LHCGR: variants seen among roughly 807,000 people sequenced by gnomAD.
The protein encoded by LHCGR is lutropin-choriogonadotropic hormone receptor.
In LHCGR, 55 loss-of-function variants were observed where a neutral mutation model predicts 60.7. That is an observed-to-expected ratio of 0.91 (90% CI 0.73 to 1.13). The LOEUF is 1.13. Among genes scored for constraint, LHCGR ranks in the 50% most tolerant of loss-of-function variants. The pLI, the probability that LHCGR is intolerant of heterozygous loss-of-function variation, is 0.00. For synonymous variants in LHCGR, 337 were observed against 316.5 expected, an observed-to-expected ratio of 1.06 and a Z score of -0.69; for missense variants, 862 against 836.0, an observed-to-expected ratio of 1.03 and a Z score of -0.38.
intron 8 of LHCGR, among the ~76,000 whole-genome samples, chr2:48,705,541 C>A (rs1446593407): frequency 6.6e-6 from 1 of 152,160 alleles, no homozygotes; most frequent in East Asian, 1.9e-4. Flanking sequence ...CTTCGTAGTT[C>A]TCTAAGAACT....
intron 8 of LHCGR, among the ~76,000 whole-genome samples, chr2:48,699,025 C>T (rs545231861): frequency 3.9e-5 from 6 of 152,098 alleles, no homozygotes; most frequent in East Asian, 1.9e-4. Flanking sequence ...GGGGTTTCAC[C>T]GTGTTAGCCA....
chr2:48,688,231 A>T lies in LHCGR; in HGVS notation c.1566T>A (p.Thr522=). The stretch of plus-strand genomic sequence containing the variant: ...TGGTTAATATATAGACTTGTGAGAG[A>T]GTGGTTTCCACATCCATGGGGAAGC... The part of the protein sequence containing the change: ...SICFPMDVET[T]LSQVYILTIL... Residue 522 remains threonine, a synonymous_variant, in exon 11 of 11, where the codon ACT becomes ACA. Coordinates refer to ENST00000294954, the MANE Select transcript of LHCGR (RefSeq NM_000233.4). The surrounding 1 kb of genome is among the most constrained non-coding windows in gnomAD (Gnocchi z 5.2). 6.2e-7 allele frequency: 1 copy of T among 1,614,178 alleles called. No individual in the cohort carries two copies. The highest frequency in any genetic ancestry group is 8.5e-7 in the Non-Finnish European group (1 of 1,180,034).
In LHCGR at chr2:48,687,951, A is replaced by C. The variant is rs1558796935; in HGVS notation, c.1846T>G (p.Ser616Ala). 6.2e-7 allele frequency: 1 copy of C among 1,614,172 alleles called. No individual in the cohort carries two copies. The highest frequency in any genetic ancestry group is 1.7e-5 in the Admixed American group (1 of 60,026). ...VLLVLFYPIN[S>A]CANPFLYAIF... ...GCATACAGAAATGGATTGGCACAAG[A>C]ATTGATGGGATAAAAAAGAACCAGT... Residue 616 changes from serine (S) to alanine (A), a missense_variant, in exon 11 of 11, where the codon TCT (serine) becomes GCT (alanine). Transcript: ENST00000294954.
At chr2:48,735,774 G>A (rs1379209098) in intron 1 of LHCGR, among the ~76,000 whole-genome samples, 11 of 152,078 alleles carry the variant, frequency 7.2e-5, no homozygotes. Flanking sequence ...GGTGGCTGAA[G>A]CTCTCAGCTG....
At chr2:48,733,962 T>C (rs1669111808) in intron 1 of LHCGR, among the ~76,000 whole-genome samples, 1 of 152,204 alleles carries the variant, frequency 6.6e-6, no homozygotes, top group East Asian at 1.9e-4. Flanking sequence ...TGCCAGAAAC[T>C]TTTAGCAATG....
chr2:48,710,925 C>G (rs564151716), intron 7 of LHCGR, among the ~76,000 whole-genome samples: 1 of 152,266 alleles, frequency 6.6e-6, no homozygotes, highest in Admixed American at 6.5e-5. Flanking sequence ...TAATGGGTGA[C>G]CTTGCCCTTA....
chr2:48,727,047 T>C (rs1233384136), intron 3 of LHCGR, among the ~76,000 whole-genome samples: 4 of 152,180 alleles, frequency 2.6e-5, no homozygotes, highest in Non-Finnish European at 5.9e-5. Context: ...TGATATTTTG[T>C]TGTAATTATT....
At chr2:48,751,479 CCTTGGAGA>C (rs1233037139) in intron 1 of LHCGR, among the ~76,000 whole-genome samples, 1 of 152,164 alleles carries the variant, frequency 6.6e-6, no homozygotes, top group Admixed American at 6.5e-5. Context: ...TGAAGCCTTC[CCTTGGAGA>C]CTTCAGTTCA....
At chr2:48,718,769 A>G (rs1439342936) in intron 6 of LHCGR, among the ~76,000 whole-genome samples, 2 of 152,288 alleles carry the variant, frequency 1.3e-5, no homozygotes, top group East Asian at 3.9e-4. Context: ...ATGTGCCGGC[A>G]GTGGTTAGAT....
Position 48,702,724 on chromosome 2 carries a change from C to T in LHCGR, c.681-3924G>A, listed in dbSNP as rs556708531. On this transcript the variant is annotated intron_variant, in intron 8 of 10. Transcript: ENST00000294954. ...TGTGAATAGTGCCGCAATAAACATA[C>T]GTGTGCATGTGTCTTTATAGCAGCA... Among the ~76,000 whole-genome samples the T allele has an allele frequency of 1.8e-4, 27 of 152,252 alleles. 1 individual carries two copies. The highest frequency in any genetic ancestry group is 1.4e-3 in the Admixed American group (22 of 15,292).
intron 1 of LHCGR, among the ~76,000 whole-genome samples, chr2:48,738,854 T>G (rs189556395): frequency 1.2e-3 from 186 of 152,370 alleles, no homozygotes; most frequent in African/African-American, 4.4e-3. Flanking sequence ...AATGTTTTAT[T>G]CAAGTTAATT....
intron 1 of LHCGR, among the ~76,000 whole-genome samples, chr2:48,748,298 A>T (rs1487695523): frequency 2.0e-5 from 3 of 152,134 alleles, no homozygotes; most frequent in Non-Finnish European, 4.4e-5. Flanking sequence ...GTGGCCAACA[A>T]GTCTCACCTG....
At chr2:48,704,246 A>T (rs1667552316) in intron 8 of LHCGR, among the ~76,000 whole-genome samples, 2 of 152,102 alleles carry the variant, frequency 1.3e-5, no homozygotes, top group South Asian at 2.1e-4. Flanking sequence ...AGCCGACTTG[A>T]TTGTGGTGGA....
At chr2:48,716,885 TG>T (rs992018788) in intron 6 of LHCGR, among the ~76,000 whole-genome samples, 1 of 152,234 alleles carries the variant, frequency 6.6e-6, no homozygotes, top group Non-Finnish European at 1.5e-5. Context: ...CACCTGGAGT[TG>T]CTTGTCAAAA....
intron 1 of LHCGR, among the ~76,000 whole-genome samples, chr2:48,745,013 A>G (rs1369161158): frequency 6.6e-6 from 1 of 152,168 alleles, no homozygotes; most frequent in East Asian, 1.9e-4. Flanking sequence ...AAAACAAACA[A>G]CCCCATCAAA....
Position 48,687,347 on chromosome 2 carries a change from C to A in LHCGR, c.*350G>T. 1 of 252,080 alleles carries A rather than the reference C, an allele frequency of 4.0e-6. No homozygotes were observed. Among genetic ancestry groups the A allele is most frequent in the Non-Finnish European group, 7.7e-6 (1 of 130,150 alleles). The allele number at this position is 252,080 out of a possible 1,614,324, so 15.6% of individuals were successfully genotyped here. ...TTTTAAATTTCTGATCTGTTATGAACTAATATTTTTATAGAATGCAATACA... is the reference window on the plus strand; with the variant it reads ...TTTTAAATTTCTGATCTGTTATGAAATAATATTTTTATAGAATGCAATACA... On this transcript the variant is annotated 3_prime_UTR_variant, in exon 11 of 11. Transcript: ENST00000294954.
chr2:48,749,266 T>C (rs1385456601), intron 1 of LHCGR, among the ~76,000 whole-genome samples: 2 of 152,174 alleles, frequency 1.3e-5, no homozygotes, highest in Non-Finnish European at 2.9e-5. Context: ...GAGGACCCTG[T>C]GGAGAAGCAG....
At chr2:48,728,672 A>G (rs574860273) in intron 3 of LHCGR, among the ~76,000 whole-genome samples, 5 of 152,310 alleles carry the variant, frequency 3.3e-5, no homozygotes, top group Admixed American at 2.6e-4. Context: ...AGTTAATTCC[A>G]AAACATCACA....
intron 8 of LHCGR, among the ~76,000 whole-genome samples, chr2:48,705,428 C>T (rs1271586856): frequency 6.6e-6 from 1 of 152,182 alleles, no homozygotes; most frequent in Non-Finnish European, 1.5e-5. Flanking sequence ...TAGCTGAGTT[C>T]AAGTCCTGGA....
Sources: gnomAD v4.1 joint callset for allele counts (sites outside exome capture counted in the v4.1 genomes callset) on GRCh38, gnomAD v4.1.1 for gene constraint, Gnocchi (gnomAD v3.1) non-coding constraint, MANE v1.5 for transcripts, NCBI Gene and HGNC (gene_info 2026-07-23, HGNC 2026-07-21) for gene names.